The following SFMBT2 variants were observed in gnomAD, a reference collection of about 807,000 sequenced individuals.
SFMBT2 encodes scm-like with four MBT domains protein 2.
In SFMBT2, 38 loss-of-function variants were observed where a neutral mutation model predicts 110.1. The observed-to-expected ratio is 0.35, with a 90% CI of 0.27 to 0.45. SFMBT2 has a LOEUF of 0.45. Ranked by LOEUF, SFMBT2 falls within the 20% of genes least tolerant of loss-of-function variation. The probability of loss-of-function intolerance (pLI) is 1.00; values close to 1 mark genes in which losing one functional copy is unlikely to be tolerated. For synonymous variants in SFMBT2, 425 were observed against 425.4 expected (o/e 1.00, Z 0.01); for missense variants, 1,011 against 1,094.9 (o/e 0.92, Z 1.08).
intron 4 of SFMBT2, among the ~76,000 whole-genome samples, chr10:7,309,598 T>G (rs1412705582): frequency 6.6e-6 from 1 of 152,070 alleles, no homozygotes; most frequent in Non-Finnish European, 1.5e-5. Flanking sequence ...TCAACAAAAT[T>G]AAACATCACA....
At chr10:7,168,045 G>C in intron 20 of SFMBT2, among the ~76,000 whole-genome samples, 1 of 147,562 alleles carries the variant, frequency 6.8e-6, no homozygotes, top group East Asian at 2.0e-4. Flanking sequence ...TCTAGCCTGG[G>C]TTACAAGAGT....
intron 11 of SFMBT2, 23 bp from the exon 12 acceptor site, chr10:7,205,951 A>G (rs1839120122): frequency 6.2e-7 from 1 of 1,613,364 alleles, no homozygotes; most frequent in South Asian, 1.1e-5. Flanking sequence ...AAGTTGAAAC[A>G]AGAGGTACAA....
intron 1 of SFMBT2, among the ~76,000 whole-genome samples, chr10:7,402,576 A>G (rs1184226150): frequency 1.3e-5 from 2 of 152,190 alleles, no homozygotes; most frequent in East Asian, 3.8e-4. Flanking sequence ...AGCCACTTCA[A>G]TTTGGCAAAA....
intron 1 of SFMBT2, among the ~76,000 whole-genome samples, chr10:7,400,575 G>A (rs1303722487): frequency 6.6e-6 from 1 of 152,208 alleles, no homozygotes; most frequent in Admixed American, 6.5e-5. Context: ...TAAAGGCAGG[G>A]GGCACAGGCT....
At position 7,243,628 on chromosome 10, in the gene SFMBT2, A is replaced by C; in HGVS notation, c.1050T>G (p.His350Gln). Residue 350 changes from histidine (H) to glutamine (Q), a missense_variant, in exon 9 of 21, where the codon CAT (histidine) becomes CAG (glutamine). This residue lies in a region of SFMBT2 where 979 missense variants were observed against 1,016.1 expected (regional missense o/e 0.96). Coordinates refer to ENST00000397167, the MANE Select transcript of SFMBT2 (RefSeq NM_001387889.1). ...PEPSKLSMLC[H>Q]ADSLGILPVQ... ...CTGGCAAAATCCCCAAAGAATCTGC[A>C]TGGCACAGCATTGACAGTTTACTTG... 1.1e-6 allele frequency: 1 copy of C among 872,960 alleles called. No homozygotes were observed. Among genetic ancestry groups the C allele is most frequent in the Non-Finnish European group, 2.0e-6 (1 of 501,668 alleles). 54.1% of individuals were successfully genotyped at this position (872,960 alleles called of 1,614,324 possible).
chr10:7,302,684 G>T (rs1842586068), intron 4 of SFMBT2, among the ~76,000 whole-genome samples: 1 of 152,180 alleles, frequency 6.6e-6, no homozygotes, highest in South Asian at 2.1e-4. Context: ...TCATAAATCA[G>T]GTTGTTATTA....
At chr10:7,204,948 G>T (rs185653260) in intron 12 of SFMBT2, 2 of 984,670 alleles carry the variant, frequency 2.0e-6, no homozygotes, top group Non-Finnish European at 2.4e-6. Context: ...ATGAATGGGC[G>T]TTTACTGCTG....
chr10:7,394,669 T>C (rs901807582), intron 1 of SFMBT2, among the ~76,000 whole-genome samples: 3 of 152,092 alleles, frequency 2.0e-5, no homozygotes, highest in Admixed American at 2.0e-4. Flanking sequence ...TTTCTATGTA[T>C]TTATCACCAA....
chr10:7,194,520 T>C (rs1838710341), intron 15 of SFMBT2, among the ~76,000 whole-genome samples: 1 of 152,116 alleles, frequency 6.6e-6, no homozygotes, highest in Non-Finnish European at 1.5e-5. Flanking sequence ...ACACATAAAG[T>C]GTTCAAGTTC....
chr10:7,301,059 T>A lies in SFMBT2; in HGVS notation c.437-15105A>T, dbSNP rs1340616593. Among the ~76,000 whole-genome samples, 1 of 152,144 alleles carries A rather than the reference T, an allele frequency of 6.6e-6. No homozygotes were observed. The highest frequency in any genetic ancestry group is 1.5e-5 in the Non-Finnish European group (1 of 68,024). On this transcript the variant is annotated intron_variant, in intron 4 of 20. Transcript: ENST00000397167. This position sits in a 1 kb window ranked among gnomAD's most constrained non-coding sequence, Gnocchi z 4.2. ...GAAAACAGGAATGTAAGCAGGTAAC[T>A]CAGTGAAGGAAGGAGTAAACCCCAG...
intron 1 of SFMBT2, among the ~76,000 whole-genome samples, chr10:7,395,210 T>TC (rs1347081940): frequency 1.3e-5 from 2 of 152,048 alleles, no homozygotes; most frequent in Non-Finnish European, 2.9e-5. Flanking sequence ...TCCCAGCTAC[T>TC]CAGGAGGTGG....
intron 4 of SFMBT2, among the ~76,000 whole-genome samples, chr10:7,326,115 C>G (rs1843377303): frequency 1.3e-5 from 2 of 152,208 alleles, no homozygotes; most frequent in Non-Finnish European, 2.9e-5. Flanking sequence ...CCCTGATTTT[C>G]TAAGAGTAAA....
intron 2 of SFMBT2, among the ~76,000 whole-genome samples, chr10:7,374,239 G>C (rs1470023548): frequency 1.3e-5 from 2 of 152,080 alleles, no homozygotes; most frequent in Non-Finnish European, 2.9e-5. Context: ...TCTAGACTGG[G>C]TCACAGAGCG....
At chr10:7,217,936 A>T (rs1047805045) in intron 11 of SFMBT2, among the ~76,000 whole-genome samples, 2 of 152,168 alleles carry the variant, frequency 1.3e-5, no homozygotes, top group African/African-American at 4.8e-5. Flanking sequence ...TTAAAATGAT[A>T]TTACATTAAT....
Position 7,163,912 on chromosome 10 carries a change from T to C in SFMBT2, c.2545-2A>G. The C allele has an allele frequency of 6.2e-7, 1 of 1,611,598 alleles. No homozygotes were observed. The highest frequency in any genetic ancestry group is 8.5e-7 in the Non-Finnish European group (1 of 1,178,770). On this transcript the variant is annotated splice_acceptor_variant, in intron 20 of 20. Coordinates refer to ENST00000397167, the MANE Select transcript of SFMBT2 (RefSeq NM_001387889.1). LOFTEE classifies it high-confidence loss of function. This position sits in a 1 kb window ranked among gnomAD's most constrained non-coding sequence, Gnocchi z 4.8. ...CAGGAGTGCTTGGCCGTCAATATCCTGCAGGAAAAGAAAGGCAGGTTAGAG... is the reference window on the plus strand; with the variant it reads ...CAGGAGTGCTTGGCCGTCAATATCCCGCAGGAAAAGAAAGGCAGGTTAGAG...
At chr10:7,228,425 A>G in intron 9 of SFMBT2, 2 of 780,030 alleles carry the variant, frequency 2.6e-6, no homozygotes, top group Non-Finnish European at 3.1e-6. Context: ...TTAAAAAGTA[A>G]CAGAAGGTAG....
chr10:7,177,933 G>A (rs1294475741), intron 16 of SFMBT2, among the ~76,000 whole-genome samples: 3 of 152,136 alleles, frequency 2.0e-5, no homozygotes, highest in African/African-American at 7.2e-5. Flanking sequence ...ACTAGACCAT[G>A]TGAGGGCAGA....
chr10:7,368,266 G>A, intron 3 of SFMBT2: 1 of 841,106 alleles, frequency 1.2e-6, no homozygotes, highest in Non-Finnish European at 1.4e-6. Context: ...ATCTGAATGT[G>A]GACTACACGG....
chr10:7,273,393 G>A (rs1841663493), intron 7 of SFMBT2, among the ~76,000 whole-genome samples: 2 of 152,226 alleles, frequency 1.3e-5, no homozygotes, highest in Non-Finnish European at 2.9e-5. Flanking sequence ...CAAAGAAACA[G>A]TGAACTTCAG....
Sources: allele counts gnomAD v4.1 joint callset (sites outside exome capture counted in the v4.1 genomes callset), GRCh38; gene constraint gnomAD v4.1.1; regional missense constraint gnomAD v4.1.1; non-coding constraint Gnocchi (gnomAD v3.1); transcripts MANE v1.5; gene names NCBI Gene and HGNC (gene_info 2026-07-23, HGNC 2026-07-21).